ABI2: variants seen among roughly 807,000 people sequenced by gnomAD.
ABI2 encodes abl interactor 2, also known as abelson interactor 2.
In ABI2, 25 loss-of-function variants were observed where a neutral mutation model predicts 59.2. The observed-to-expected ratio is 0.42, with a 90% CI of 0.31 to 0.59. The LOEUF (loss-of-function observed/expected upper bound fraction) is 0.59. Among genes scored for constraint, ABI2 ranks in the 20% least tolerant of loss-of-function variants. ABI2 has a pLI of 0.14. For missense variants in ABI2, 545 were observed against 681.8 expected (o/e 0.80, Z 2.23); for synonymous variants, 213 against 235.5 (o/e 0.90, Z 0.87).
At chr2:203,341,724 G>T (rs1011151320) in intron 1 of ABI2, among the ~76,000 whole-genome samples, 3 of 152,014 alleles carry the variant, frequency 2.0e-5, no homozygotes, top group East Asian at 1.9e-4. Context: ...AAAAACAAAA[G>T]AAATTAGTTT....
At chr2:203,373,112 G>A (rs1186744743) in intron 2 of ABI2, among the ~76,000 whole-genome samples, 6 of 152,076 alleles carry the variant, frequency 3.9e-5, no homozygotes, top group South Asian at 4.2e-4. Flanking sequence ...CAAGGCAGGC[G>A]GCTGGGAGGT....
At chr2:203,385,246 C>T (rs1396868993) in intron 4 of ABI2, among the ~76,000 whole-genome samples, 1 of 150,676 alleles carries the variant, frequency 6.6e-6, no homozygotes, top group Admixed American at 6.7e-5. Flanking sequence ...ATTCTCCTGC[C>T]TCAACCTCCT....
intron 8 of ABI2, among the ~76,000 whole-genome samples, chr2:203,399,890 T>A (rs185685195): frequency 2.2e-4 from 34 of 152,232 alleles, no homozygotes; most frequent in South Asian, 1.2e-3. Context: ...TTTTTCAAAA[T>A]TTTTTTAAAT....
intron 4 of ABI2, among the ~76,000 whole-genome samples, chr2:203,384,132 A>G (rs2096303379): frequency 6.6e-6 from 1 of 152,168 alleles, no homozygotes; most frequent in Non-Finnish European, 1.5e-5. Flanking sequence ...AGTTCATAAG[A>G]TTTTTAAAAA....
rs71906750 is a variant in ABI2, at chr2:203,384,275, C to CTTGTTTTTGTTTTTGTTT, written c.480+2072_480+2089dup. ...CTTGAACTGGTTCCTGTTCCATACT[C>CTTGTTTTTGTTTTTGTTT]TTGTTTTTGTTTTTGTTTTTTTTTT... On this transcript the variant is annotated intron_variant, in intron 4 of 11. Transcript: ENST00000261018. Among the ~76,000 whole-genome samples the CTTGTTTTTGTTTTTGTTT allele has an allele frequency of 6.3e-5, 5 of 78,856 alleles. 1 individual carries two copies. The highest frequency in any genetic ancestry group is 2.2e-4 in the African/African-American group (4 of 17,900). 51.7% of individuals were successfully genotyped at this position (78,856 alleles called of 152,430 possible).
intron 4 of ABI2, among the ~76,000 whole-genome samples, chr2:203,386,846 C>T (rs879778851): frequency 1.8e-4 from 27 of 151,932 alleles, no homozygotes; most frequent in Non-Finnish European, 3.2e-4. Flanking sequence ...GCCATGTTGG[C>T]CAGGCTGGTC....
intron 4 of ABI2, chr2:203,386,519 T>C (rs1208313580): frequency 2.8e-6 from 2 of 719,354 alleles, no homozygotes; most frequent in East Asian, 1.3e-4. Context: ...ACTTAACAAG[T>C]TTAAGAAATT....
At chr2:203,366,090 A>G (rs1203170564) in intron 1 of ABI2, among the ~76,000 whole-genome samples, 2 of 152,108 alleles carry the variant, frequency 1.3e-5, no homozygotes, top group Non-Finnish European at 2.9e-5. Context: ...AATGGATAGA[A>G]ATCTTAATTT....
chr2:203,354,199 A>G (rs1273404951), intron 1 of ABI2, among the ~76,000 whole-genome samples: 1 of 151,990 alleles, frequency 6.6e-6, no homozygotes, highest in African/African-American at 2.4e-5. Flanking sequence ...ACGCTTCACC[A>G]CGCCCTGCTA....
rs182855549 is a variant in ABI2, at chr2:203,373,992, C to T, written c.286-6216C>T. ...TAGCCAACATGGCAAAATTCCATCT[C>T]TCCAAAAAATGCAAAAATTAGCCAG... On this transcript the variant is annotated intron_variant, in intron 2 of 11. Transcript: ENST00000261018. Among the ~76,000 whole-genome samples the T allele has an allele frequency of 5.2e-3, 792 of 151,832 alleles. 27 individuals carry two copies. The highest frequency in any genetic ancestry group is 0.05 in the Admixed American group (761 of 15,250).
In ABI2 at chr2:203,395,797, G is replaced by T. The variant is rs201469518; in HGVS notation, c.850+17G>T. On this transcript the variant is annotated intron_variant, in intron 7 of 11. Transcript: ENST00000261018. ...TCTTTCCAGGTAAAACATTCATGGT[G>T]CCTCGTCTTCACTTTTCCTTTCTGA... The T allele has an allele frequency of 2.6e-6, 4 of 1,567,644 alleles. No individual in the cohort carries two copies. Among genetic ancestry groups the T allele is most frequent in the Non-Finnish European group, 3.5e-6 (4 of 1,155,912 alleles).
At chr2:203,344,862 C>T (rs1320572700) in intron 1 of ABI2, among the ~76,000 whole-genome samples, 2 of 152,148 alleles carry the variant, frequency 1.3e-5, no homozygotes, top group Non-Finnish European at 2.9e-5. Context: ...CGCTCTGTGT[C>T]TTGCTAAAGG....
At chr2:203,402,454 C>A in intron 8 of ABI2, 122 bp from the exon 9 acceptor site, 1 of 700,192 alleles carries the variant, frequency 1.4e-6, no homozygotes, top group Non-Finnish European at 2.1e-6. Flanking sequence ...TTGTATATTT[C>A]AGATACCAGT....
intron 1 of ABI2, among the ~76,000 whole-genome samples, chr2:203,339,599 A>G: frequency 6.6e-6 from 1 of 151,020 alleles, no homozygotes; most frequent in East Asian, 1.9e-4. Flanking sequence ...AAAAAAAAAG[A>G]AAAAGAAAAA....
chr2:203,371,878 C>A (rs2095237416), intron 2 of ABI2, among the ~76,000 whole-genome samples: 1 of 151,664 alleles, frequency 6.6e-6, no homozygotes, highest in Non-Finnish European at 1.5e-5. Flanking sequence ...AACTAAAACT[C>A]TTATCAGTTT....
At chr2:203,375,411 G>T (rs1271751374) in intron 2 of ABI2, among the ~76,000 whole-genome samples, 2 of 152,240 alleles carry the variant, frequency 1.3e-5, no homozygotes, top group East Asian at 3.9e-4. Flanking sequence ...CATATAACTA[G>T]TAACTTAAAA....
chr2:203,346,988 T>C (rs1469909520), intron 1 of ABI2, among the ~76,000 whole-genome samples: 2 of 152,242 alleles, frequency 1.3e-5, no homozygotes, highest in Non-Finnish European at 2.9e-5. Flanking sequence ...GAATTTGTTT[T>C]AATTTTGTAT....
At chr2:203,359,303 C>G (rs1025949421) in intron 1 of ABI2, among the ~76,000 whole-genome samples, 1 of 152,094 alleles carries the variant, frequency 6.6e-6, no homozygotes, top group Non-Finnish European at 1.5e-5. Flanking sequence ...CTGAAGACTT[C>G]TAATTCCCAA....
chr2:203,372,637 C>T (rs1166432409), intron 2 of ABI2, among the ~76,000 whole-genome samples: 1 of 149,712 alleles, frequency 6.7e-6, no homozygotes, highest in Non-Finnish European at 1.5e-5. Context: ...CCAGACGGGG[C>T]AGCTGGCCGG....
Sources: gnomAD v4.1 joint callset for allele counts (sites outside exome capture counted in the v4.1 genomes callset) on GRCh38, gnomAD v4.1.1 for gene constraint, MANE v1.5 for transcripts, NCBI Gene and HGNC (gene_info 2026-07-23, HGNC 2026-07-21) for gene names.